Variants in DROSHA observed in about 807,000 individuals in gnomAD.
DROSHA encodes ribonuclease 3.
Under a neutral mutation model 181.9 loss-of-function variants are expected in DROSHA, and 56 were observed. That is an observed-to-expected ratio of 0.31 (90% CI 0.25 to 0.38). The LOEUF (loss-of-function observed/expected upper bound fraction) is 0.38. DROSHA is among the 10% of genes least tolerant of loss of function. DROSHA has a pLI of 1.00. For missense variants in DROSHA, 1,218 were observed against 1,743.5 expected (o/e 0.70, Z 5.37); for synonymous variants, 524 against 591.2 (o/e 0.89, Z 1.65).
At chr5:31,431,368 A>AC (rs1355137665) in intron 26 of DROSHA, among the ~76,000 whole-genome samples, 1 of 74,674 alleles carries the variant, frequency 1.3e-5, no homozygotes, top group Non-Finnish European at 2.5e-5. Flanking sequence ...GTAGAATGCA[A>AC]AAAAAAAAAA....
chr5:31,453,145 T>A (rs1747229695), intron 20 of DROSHA, among the ~76,000 whole-genome samples: 1 of 152,112 alleles, frequency 6.6e-6, no homozygotes, highest in Admixed American at 6.5e-5. Flanking sequence ...GAGAGATGAA[T>A]CGCTGCCTGT....
At chr5:31,419,598 A>G (rs1742419056) in intron 30 of DROSHA, among the ~76,000 whole-genome samples, 1 of 152,096 alleles carries the variant, frequency 6.6e-6, no homozygotes, top group Non-Finnish European at 1.5e-5. Context: ...GAAAATGTAC[A>G]CGGTGAGCAG....
At chr5:31,499,890 C>A (rs1304395135) in intron 11 of DROSHA, among the ~76,000 whole-genome samples, 1 of 152,140 alleles carries the variant, frequency 6.6e-6, no homozygotes, top group African/African-American at 2.4e-5. Flanking sequence ...GATGTGAAAG[C>A]CAGAAGAAAC....
Position 31,526,258 on chromosome 5 carries a change from C to G in DROSHA, c.675G>C (p.Leu225=). Residue 225 remains leucine (L), a synonymous_variant, in exon 5 of 36, where the codon CTG becomes CTC. Transcript: ENST00000344624. ...APSERRSPER[L]KHYDDHRHRD... is the part of the protein sequence containing the mutation. ...GGTGCCTGTGGTCATCATAGTGTTT[C>G]AGCCTTTCTGGGGACCTTCTCTCAC... is the stretch of plus-strand genomic sequence containing the variant. 1 of 1,613,882 alleles carries G rather than the reference C, an allele frequency of 6.2e-7. No individual in the cohort carries two copies. Among genetic ancestry groups the G allele is most frequent in the South Asian group, 1.1e-5 (1 of 91,050 alleles).
chr5:31,523,755 AC>A (rs1278901940), intron 5 of DROSHA, among the ~76,000 whole-genome samples: 1 of 152,086 alleles, frequency 6.6e-6, no homozygotes, highest in African/African-American at 2.4e-5. Context: ...CAGGCAGATC[AC>A]CTGAGGTCAG....
chr5:31,508,571 C>A (rs746523039), intron 10 of DROSHA, 50 bp downstream of exon 10: 1 of 1,611,318 alleles, frequency 6.2e-7, no homozygotes, highest in Middle Eastern at 1.7e-4. Flanking sequence ...GAGCAATAAC[C>A]GTTATGTCTG....
chr5:31,468,182 A>C, intron 17 of DROSHA, 119 bp from the exon 18 acceptor site: 2 of 1,198,144 alleles, frequency 1.7e-6, no homozygotes, highest in Non-Finnish European at 2.3e-6. Flanking sequence ...CCCAAAGGGA[A>C]AAGGTCATTT....
In DROSHA at chr5:31,526,173, G is replaced by A. The variant is rs761643386; in HGVS notation, c.760C>T (p.Arg254Cys). Reference protein sequence around the residue: ...HRSLDRRERGRSPDRRRQDSR... With the variant: ...HRSLDRRERGCSPDRRRQDSR... ...TCTTGTCTTCTCCTGTCGGGACTGC[G>A]GCCTCGCTCCCGCCGATCCAGGGAC... The change falls in exon 5 of 36, where the codon CGC becomes TGC. Residue 254 changes from arginine to cysteine, a missense_variant. Physicochemically the swap from Arg to Cys is radical, Grantham distance 180. Transcript: ENST00000344624. 45 of 1,613,728 alleles carry A rather than the reference G, an allele frequency of 2.8e-5. No homozygotes were observed. The highest frequency in any genetic ancestry group is 3.1e-5 in the Non-Finnish European group (36 of 1,179,814).
intron 20 of DROSHA, among the ~76,000 whole-genome samples, chr5:31,453,495 C>A (rs1315394332): frequency 6.6e-6 from 1 of 152,282 alleles, no homozygotes; most frequent in East Asian, 1.9e-4. Flanking sequence ...TGAGCCACTG[C>A]GCCAGGCCCG....
intron 30 of DROSHA, among the ~76,000 whole-genome samples, chr5:31,415,697 T>C (rs7714744): frequency 0.094 from 14,309 of 152,192 alleles, 902 homozygotes; most frequent in African/African-American, 0.17. Context: ...TACAGTGCCT[T>C]GAACACAGCA....
At chr5:31,509,021 C>T (rs1394908600) in intron 9 of DROSHA, among the ~76,000 whole-genome samples, 1 of 152,022 alleles carries the variant, frequency 6.6e-6, no homozygotes, top group Non-Finnish European at 1.5e-5. Context: ...CAGGATTTTG[C>T]CATGTTGACC....
intron 11 of DROSHA, among the ~76,000 whole-genome samples, chr5:31,501,305 T>C (rs965315171): frequency 2.0e-5 from 3 of 151,722 alleles, no homozygotes; most frequent in Non-Finnish European, 4.4e-5. Context: ...TTACAGTGGG[T>C]CTACTGAATC....
chr5:31,510,630 C>A (rs961010811), intron 9 of DROSHA, among the ~76,000 whole-genome samples: 13 of 152,218 alleles, frequency 8.5e-5, no homozygotes, highest in African/African-American at 2.9e-4. Flanking sequence ...TGGAGAGAAA[C>A]CTTCAAACAG....
In DROSHA at chr5:31,429,522, G is replaced by A. The variant is rs61751195; in HGVS notation, c.3169C>T (p.Leu1057=). The change falls in exon 27 of 36, where the codon CTG becomes TTG. Residue 1057 remains leucine (L), a synonymous_variant. Coordinates refer to ENST00000344624, the MANE Select transcript of DROSHA (RefSeq NM_001382508.1). ...LIGAVYLEGS[L]EEAKQLFGRL... is the part of the protein sequence containing the mutation. ...CCAAATAACTGCTTGGCTTCCTCCAGGCTTCCCTCCAAGTAAACAGCTCCT... is the reference window on the plus strand; with the variant it reads ...CCAAATAACTGCTTGGCTTCCTCCAAGCTTCCCTCCAAGTAAACAGCTCCT... The A allele has an allele frequency of 9.7e-4, 1,561 of 1,611,966 alleles. 1 individual carries two copies. Among genetic ancestry groups the A allele is most frequent in the Admixed American group, 1.8e-3 (109 of 59,926 alleles).
intron 12 of DROSHA, among the ~76,000 whole-genome samples, chr5:31,493,989 G>T (rs1013941168): frequency 7.0e-6 from 1 of 143,524 alleles, no homozygotes; most frequent in Non-Finnish European, 1.5e-5. Context: ...GTGTGTTTGA[G>T]ATGAAGTCTC....
At chr5:31,509,344 T>C (rs1738389163) in intron 9 of DROSHA, among the ~76,000 whole-genome samples, 1 of 151,994 alleles carries the variant, frequency 6.6e-6, no homozygotes, top group Admixed American at 6.5e-5. Context: ...TGATGAGCAA[T>C]GTCAGATAAA....
chr5:31,424,458 A>C lies in DROSHA; in HGVS notation c.3230T>G (p.Val1077Gly). 1 of 1,596,570 alleles carries C rather than the reference A, an allele frequency of 6.3e-7. No homozygotes were observed. The highest frequency in any genetic ancestry group is 8.5e-7 in the Non-Finnish European group (1 of 1,171,462). ...TGGGTGGAGAGGATAATTGAGCCAG[A>C]CTTCGCGCAGGTCCTGGAAAATGGA... ...LLFNDPDLRE[V>G]WLNYPLHPLQ... Residue 1077 changes from valine to glycine, a missense_variant, in exon 28 of 36, where the codon GTC becomes GGC. Around this residue, in one of 8 missense-constraint regions of DROSHA, gnomAD observed 71 missense variants for 95.2 expected, o/e 0.75. Coordinates refer to ENST00000344624, the MANE Select transcript of DROSHA (RefSeq NM_001382508.1).
intron 20 of DROSHA, among the ~76,000 whole-genome samples, chr5:31,461,899 C>A (rs1197314255): frequency 6.6e-6 from 1 of 151,954 alleles, no homozygotes; most frequent in Non-Finnish European, 1.5e-5. Flanking sequence ...CAAGAATATT[C>A]ACTGATGGTG....
At chr5:31,506,151 A>C (rs1737912394) in intron 10 of DROSHA, among the ~76,000 whole-genome samples, 1 of 152,160 alleles carries the variant, frequency 6.6e-6, no homozygotes, top group Non-Finnish European at 1.5e-5. Context: ...ACCTGAGGTC[A>C]AGAGTTCAAG....
Sources: gnomAD v4.1 joint callset for allele counts (sites outside exome capture counted in the v4.1 genomes callset) on GRCh38, gnomAD v4.1.1 for gene constraint, gnomAD v4.1.1 regional missense constraint, MANE v1.5 for transcripts, NCBI Gene and HGNC (gene_info 2026-07-23, HGNC 2026-07-21) for gene names.